SP100: variants seen among roughly 807,000 people sequenced by gnomAD.
The protein encoded by SP100 is nuclear autoantigen Sp-100.
SP100 carries 84 observed loss-of-function variants against 130.0 expected under a neutral mutation model. The observed-to-expected ratio is 0.65, with a 90% CI of 0.54 to 0.77. SP100 has a LOEUF of 0.77. Among genes scored for constraint, SP100 ranks in the 30% least tolerant of loss-of-function variants. The pLI is 0.00. For missense variants in SP100, 978 were observed against 1,052.2 expected (o/e 0.93, Z 0.97); for synonymous variants, 331 against 351.7 (o/e 0.94, Z 0.66).
At chr2:230,449,484 C>T (rs1162912622) in intron 6 of SP100, 77 bp from the exon 7 acceptor site, 19 of 1,514,600 alleles carry the variant, frequency 1.3e-5, no homozygotes, top group Non-Finnish European at 1.7e-5. Context: ...CATCAGTGGC[C>T]CGTGCTGTAG....
chr2:230,476,037 A>G (rs915989392), intron 17 of SP100, among the ~76,000 whole-genome samples: 25 of 152,268 alleles, frequency 1.6e-4, no homozygotes, highest in East Asian at 7.7e-4. Flanking sequence ...TATGGTTCCA[A>G]CTGAGTTTTA....
At chr2:230,451,804 GTTAAT>G (rs71052510) in intron 8 of SP100, among the ~76,000 whole-genome samples, 71,584 of 151,558 alleles carry the variant, frequency 0.47, 17,421 homozygotes, top group Middle Eastern at 0.54. Flanking sequence ...TCCATTTTGA[GTTAAT>G]TTTTTAATAT....
At chr2:230,423,797 T>G (rs890564960) in intron 2 of SP100, among the ~76,000 whole-genome samples, 1 of 152,240 alleles carries the variant, frequency 6.6e-6, no homozygotes, top group African/African-American at 2.4e-5. Flanking sequence ...TTTTAAAATT[T>G]CTCAGTGGAA....
In SP100 at chr2:230,506,299, A is replaced by G; in HGVS notation, c.1871-4A>G. 5 of 1,613,662 alleles carry G rather than the reference A, an allele frequency of 3.1e-6. No homozygotes were observed. The highest frequency in any genetic ancestry group is 4.2e-6 in the Non-Finnish European group (5 of 1,179,654). On this transcript the variant is annotated splice_region_variant and splice_polypyrimidine_tract_variant and intron_variant, in intron 21 of 28. Coordinates refer to ENST00000340126, the MANE Select transcript of SP100 (RefSeq NM_001080391.2). ...GGGGAGCTCACTTTGCCTTGGTCTT[A>G]CAGGAACCTCAAAGAAGTGTATACA...
intron 2 of SP100, among the ~76,000 whole-genome samples, chr2:230,431,357 T>G (rs139366951): frequency 6.6e-6 from 1 of 152,188 alleles, no homozygotes; most frequent in African/African-American, 2.4e-5. Context: ...TGGAGAAACC[T>G]TAGGCTCAGG....
chr2:230,503,214 G>C (rs10498251), intron 20 of SP100, 104 bp downstream of exon 20: 27,212 of 755,364 alleles, frequency 0.036, 575 homozygotes, highest in Middle Eastern at 0.051. Flanking sequence ...TATGGAGCTA[G>C]TACTGGAGCC....
intron 2 of SP100, among the ~76,000 whole-genome samples, chr2:230,440,061 T>C (rs1291899287): frequency 6.6e-6 from 1 of 152,114 alleles, no homozygotes; most frequent in African/African-American, 2.4e-5. Context: ...ATAGCAAACA[T>C]CACACTTAAT....
chr2:230,515,340 C>G (rs1474014128), intron 24 of SP100: 1 of 1,613,838 alleles, frequency 6.2e-7, no homozygotes, highest in South Asian at 1.1e-5. Flanking sequence ...TCCTGTTCTG[C>G]TCTGAGTATC....
chr2:230,508,793 A>T (rs1236569240), intron 23 of SP100: 1 of 152,178 alleles, frequency 6.6e-6, no homozygotes, highest in Non-Finnish European at 1.5e-5. Flanking sequence ...CCCTAGAAAC[A>T]TCCCATGGTC....
intron 17 of SP100, among the ~76,000 whole-genome samples, chr2:230,480,758 T>C (rs2065794266): frequency 6.6e-6 from 1 of 152,216 alleles, no homozygotes; most frequent in Admixed American, 6.5e-5. Flanking sequence ...CTGGTGTGGC[T>C]TGTCTGAGAA....
chr2:230,421,986 T>C (rs2062781078), intron 2 of SP100, among the ~76,000 whole-genome samples: 1 of 152,178 alleles, frequency 6.6e-6, no homozygotes, highest in Admixed American at 6.5e-5. Flanking sequence ...TAGTTGGATG[T>C]TAGCTTTCCT....
intron 4 of SP100, among the ~76,000 whole-genome samples, chr2:230,445,069 G>A (rs1227519386): frequency 6.6e-6 from 1 of 152,180 alleles, no homozygotes; most frequent in Non-Finnish European, 1.5e-5. Flanking sequence ...TTATCCACAA[G>A]GGGTGAAACA....
Position 230,545,541 on chromosome 2 carries a change from C to A in SP100, c.*2595C>A, listed in dbSNP as rs1429877192. On this transcript the variant is annotated 3_prime_UTR_variant, in exon 29 of 29. Transcript: ENST00000340126. ...CTATATAACAAACCTTCACATATACCCCTGAACCTAAAAGTTTTTTTAATT... is the reference window on the plus strand; with the variant it reads ...CTATATAACAAACCTTCACATATACACCTGAACCTAAAAGTTTTTTTAATT... Among the ~76,000 whole-genome samples the A allele has an allele frequency of 6.6e-6, 1 of 151,558 alleles. No individual in the cohort carries two copies. The highest frequency in any genetic ancestry group is 1.5e-5 in the Non-Finnish European group (1 of 67,944).
intron 8 of SP100, among the ~76,000 whole-genome samples, chr2:230,460,318 A>G (rs1220132419): frequency 1.3e-5 from 2 of 152,208 alleles, no homozygotes; most frequent in Non-Finnish European, 2.9e-5. Flanking sequence ...ATACAAAACG[A>G]ATACAGATGA....
intron 17 of SP100, among the ~76,000 whole-genome samples, chr2:230,488,860 A>G (rs890299179): frequency 1.1e-4 from 17 of 152,238 alleles, no homozygotes; most frequent in Non-Finnish European, 2.5e-4. Flanking sequence ...CTTGCATCCC[A>G]GGGATGAAGC....
At chr2:230,509,141 G>C (rs1444661300) in intron 23 of SP100, 1 of 152,202 alleles carries the variant, frequency 6.6e-6, no homozygotes, top group East Asian at 1.9e-4. Flanking sequence ...TCCCTCTGTG[G>C]AGGTAGTATG....
intron 24 of SP100, among the ~76,000 whole-genome samples, chr2:230,512,411 TC>T (rs1290734429): frequency 6.9e-6 from 1 of 144,850 alleles, no homozygotes; most frequent in Non-Finnish European, 1.5e-5. Context: ...TGCCTCAGCC[TC>T]CCAAGTAGCT....
chr2:230,509,654 T>A (rs1047648234), intron 23 of SP100: 1 of 152,114 alleles, frequency 6.6e-6, no homozygotes, highest in Admixed American at 6.6e-5. Flanking sequence ...TCTTCCCTCC[T>A]CTCCCCTCGG....
chr2:230,416,759 C>T (rs981494271), intron 1 of SP100: 14 of 988,342 alleles, frequency 1.4e-5, no homozygotes, highest in Middle Eastern at 1.0e-3. Flanking sequence ...AAACATCAGA[C>T]GCTGTGGTCT....
Sources: allele counts gnomAD v4.1 joint callset (sites outside exome capture counted in the v4.1 genomes callset), GRCh38; gene constraint gnomAD v4.1.1; transcripts MANE v1.5; gene names NCBI Gene and HGNC (gene_info 2026-07-23, HGNC 2026-07-21).